The following RASSF8 variants were observed in gnomAD, a reference collection of about 807,000 sequenced individuals.
RASSF8 encodes the protein ras association domain-containing protein 8.
In RASSF8, 22 loss-of-function variants were observed where a neutral mutation model predicts 48.5. That is an observed-to-expected ratio of 0.45 (90% confidence interval 0.32 to 0.65). The LOEUF is 0.65. Ranked by LOEUF, RASSF8 falls within the 30% of genes least tolerant of loss-of-function variation. RASSF8 has a pLI of 0.03. For missense variants in RASSF8, 418 were observed against 489.2 expected (o/e 0.85, Z 1.37); for synonymous variants, 127 against 171.5 (o/e 0.74, Z 2.03).
chr12:26,069,477 G>A lies in RASSF8; in HGVS notation c.*659G>A, dbSNP rs1482690043. ...TCCTTTACAATATTTCCAAATATAC[G>A]TGTGGCCACAGAGCATAACAGATAT... On this transcript the variant is annotated 3_prime_UTR_variant, in exon 6 of 6. Coordinates refer to ENST00000689635, the MANE Select transcript of RASSF8 (RefSeq NM_001394098.1). 2.2e-5 allele frequency: 22 copies of A among 985,182 alleles called. No individual in the cohort carries two copies. The highest frequency in any genetic ancestry group is 2.3e-4 in the East Asian group (2 of 8,822). The allele number at this position is 985,182 out of a possible 1,614,324, so 61.0% of individuals were successfully genotyped here.
intron 1 of RASSF8, among the ~76,000 whole-genome samples, chr12:25,961,780 T>A (rs1941241372): frequency 6.6e-6 from 1 of 152,172 alleles, no homozygotes; most frequent in African/African-American, 2.4e-5. Flanking sequence ...CACTCAAACT[T>A]TCAAACTGTT....
chr12:26,009,085 T>TA lies in RASSF8; in HGVS notation c.-109+13956dup, dbSNP rs555003479. The stretch of plus-strand genomic sequence containing the variant: ...GTAGCAGCATTCCCAAGTTTCAAGT[T>TA]ATATGATGCTTAGCTGCCAGCTATC... On this transcript the variant is annotated intron_variant, in intron 2 of 5. Transcript: ENST00000689635. Among the ~76,000 whole-genome samples, 399 of 152,326 alleles carry TA rather than the reference T, an allele frequency of 2.6e-3. 3 individuals are homozygous for TA. The highest frequency in any genetic ancestry group is 4.0e-3 in the Non-Finnish European group (275 of 68,026).
chr12:25,968,633 C>T lies in RASSF8; in HGVS notation c.-203+9485C>T, dbSNP rs575654362. ...TGCTGGGATTACAGGCATGAGCCAT[C>T]GCACCCAGCCTGTTTGTTCATCCTT... On this transcript the variant is annotated intron_variant, in intron 1 of 5. Transcript: ENST00000689635. 5.9e-5 allele frequency among the ~76,000 whole-genome samples: 9 copies of T among 152,286 alleles called. No homozygotes were observed. In the South Asian group the frequency reaches 6.2e-4, roughly 11 times the overall value.
intron 2 of RASSF8, among the ~76,000 whole-genome samples, chr12:26,041,419 A>G (rs989728036): frequency 3.3e-5 from 5 of 152,196 alleles, no homozygotes; most frequent in African/African-American, 1.2e-4. Flanking sequence ...GTAATCAGAA[A>G]TGCATGAATC....
At chr12:26,022,587 AG>A (rs1942810938) in intron 2 of RASSF8, among the ~76,000 whole-genome samples, 1 of 152,220 alleles carries the variant, frequency 6.6e-6, no homozygotes, top group Non-Finnish European at 1.5e-5. Context: ...GTAGAAGTAA[AG>A]GAAGATATGA....
At chr12:26,047,632 T>C (rs2729631) in intron 2 of RASSF8, among the ~76,000 whole-genome samples, 62,996 of 152,036 alleles carry the variant, frequency 0.41, 13,869 homozygotes, top group Non-Finnish European at 0.5. Flanking sequence ...GGCTGCCAGC[T>C]ATGAAAGGCG....
Position 26,072,068 on chromosome 12 carries a change from G to A in RASSF8, c.*3250G>A. 8.1e-6 allele frequency: 8 copies of A among 985,370 alleles called. No homozygotes were observed. The highest frequency in any genetic ancestry group is 8.4e-6 in the Non-Finnish European group (7 of 829,876). 61.0% of individuals were successfully genotyped at this position (985,370 alleles called of 1,614,324 possible). ...AAAAGACAAAAACTTTTGATTTCAG[G>A]CATGCAAAGTGCTTGGGCAGATGGA... On this transcript the variant is annotated 3_prime_UTR_variant, in exon 6 of 6. Transcript: ENST00000689635.
intron 1 of RASSF8, among the ~76,000 whole-genome samples, chr12:25,960,831 T>G (rs937799254): frequency 9.9e-5 from 15 of 152,174 alleles, no homozygotes; most frequent in Non-Finnish European, 2.9e-5. Flanking sequence ...CATGGGGCTG[T>G]GCAGGCAGGA....
chr12:26,039,699 A>G (rs1943224563), intron 2 of RASSF8, among the ~76,000 whole-genome samples: 1 of 152,208 alleles, frequency 6.6e-6, no homozygotes, highest in Admixed American at 6.5e-5. Context: ...GATTTTTCTA[A>G]TAATATGAAT....
chr12:25,993,920 A>G (rs2136955463), intron 1 of RASSF8, among the ~76,000 whole-genome samples: 2 of 152,342 alleles, frequency 1.3e-5, no homozygotes, highest in East Asian at 3.9e-4. Context: ...CTGTAACACT[A>G]TGTAAAAAAT....
intron 5 of RASSF8, among the ~76,000 whole-genome samples, chr12:26,078,489 G>A (rs1483597913): frequency 2.0e-5 from 3 of 152,190 alleles, no homozygotes; most frequent in South Asian, 2.1e-4. Flanking sequence ...GTAAGCAACA[G>A]ATTTGGAATA....
chr12:25,962,791 A>T (rs564771397), intron 1 of RASSF8, among the ~76,000 whole-genome samples: 1 of 152,130 alleles, frequency 6.6e-6, no homozygotes, highest in African/African-American at 2.4e-5. Flanking sequence ...GAAAAGCCAG[A>T]CCCACACTTT....
intron 2 of RASSF8, among the ~76,000 whole-genome samples, chr12:26,054,272 T>C (rs1173721170): frequency 6.6e-6 from 1 of 152,212 alleles, no homozygotes; most frequent in Non-Finnish European, 1.5e-5. Context: ...TGATCATTTT[T>C]AGCAGGCTAG....
At chr12:25,965,742 G>T (rs1941346370) in intron 1 of RASSF8, among the ~76,000 whole-genome samples, 1 of 152,118 alleles carries the variant, frequency 6.6e-6, no homozygotes, top group Non-Finnish European at 1.5e-5. Context: ...CTATAGAGTA[G>T]TTCAAATTTT....
At chr12:26,046,384 G>C (rs1480074386) in intron 2 of RASSF8, among the ~76,000 whole-genome samples, 2 of 152,182 alleles carry the variant, frequency 1.3e-5, no homozygotes, top group Non-Finnish European at 2.9e-5. Context: ...CACTTACTGG[G>C]TGGGTAACCC....
chr12:26,057,142 A>T lies in RASSF8; in HGVS notation c.103+1696A>T, dbSNP rs184090167. Among the ~76,000 whole-genome samples the T allele has an allele frequency of 1.6e-3, 235 of 147,910 alleles. 1 individual carries two copies. Among genetic ancestry groups the T allele is most frequent in the African/African-American group, 5.7e-3 (222 of 39,038 alleles). ...TGTGTGTGTGAAGTTCCATTTTTTT[A>T]AAATTACACTTTAAGTTCTAGGGTA... On this transcript the variant is annotated intron_variant, in intron 3 of 5. Transcript: ENST00000689635.
chr12:26,029,224 C>A (rs910832817), intron 2 of RASSF8, among the ~76,000 whole-genome samples: 6 of 152,210 alleles, frequency 3.9e-5, no homozygotes, highest in Admixed American at 2.0e-4. Context: ...CTCTCCTCTT[C>A]TCCATTACCA....
intron 2 of RASSF8, among the ~76,000 whole-genome samples, chr12:26,016,465 G>T (rs1942652789): frequency 1.3e-5 from 2 of 152,104 alleles, no homozygotes; most frequent in Admixed American, 1.3e-4. Flanking sequence ...CATTTTTGCT[G>T]CCTGTTCTGG....
chr12:25,969,731 AG>A (rs1565597726), intron 1 of RASSF8, among the ~76,000 whole-genome samples: 2 of 152,158 alleles, frequency 1.3e-5, no homozygotes, highest in Admixed American at 1.3e-4. Context: ...CCTCTTGAAC[AG>A]GGGTTCTCCA....
Sources: gnomAD v4.1 joint callset for allele counts (sites outside exome capture counted in the v4.1 genomes callset) on GRCh38, gnomAD v4.1.1 for gene constraint, MANE v1.5 for transcripts, NCBI Gene and HGNC (gene_info 2026-07-23, HGNC 2026-07-21) for gene names.